Variants in TST observed in about 807,000 individuals in gnomAD.
The protein encoded by TST is thiosulfate sulfurtransferase, also known as epididymis secretory sperm binding protein.
A neutral mutation model predicts 20.4 loss-of-function variants in TST; 22 were observed. That is an observed-to-expected ratio of 1.08 (90% CI 0.77 to 1.54). The LOEUF is 1.54. Ranked by LOEUF, TST falls within the 40% of genes most tolerant of loss-of-function variation. TST has a pLI of 0.00. For missense variants in TST, 392 were observed against 405.2 expected, an observed-to-expected ratio of 0.97 and a Z score of 0.28; for synonymous variants, 187 against 173.8, an observed-to-expected ratio of 1.08 and a Z score of -0.60.
At position 37,011,090 on chromosome 22, in the gene TST, G is replaced by A. The variant is rs145408319; in HGVS notation, c.831C>T (p.Ser277=). The part of the protein sequence containing the change: ...PDVAVYDGSW[S]EWFRRAPPES... ...CTGGGGGGGCCCGGCGAAACCACTC[G>A]GACCAGGAGCCATCGTACACGGCCA... Residue 277 remains serine, a synonymous_variant, in exon 3 of 3, where the codon TCC becomes TCT. Transcript: ENST00000249042. 92 of 1,613,138 alleles carry A rather than the reference G, an allele frequency of 5.7e-5. No homozygotes were observed. The highest frequency in any genetic ancestry group is 3.7e-4 in the Admixed American group (22 of 60,036).
chr22:37,018,793 G>A, intron 1 of TST, 40 bp from the exon 2 acceptor site: 1 of 1,389,018 alleles, frequency 7.2e-7, no homozygotes, highest in Non-Finnish European at 9.5e-7. Flanking sequence ...ACAGGCGTGA[G>A]GAAGGAAGTC....
Position 37,019,423 on chromosome 22 carries a change from C to T in TST, c.-45G>A, listed in dbSNP as rs937338260. On this transcript the variant is annotated 5_prime_UTR_variant, in exon 1 of 3. Transcript: ENST00000249042. ...ACTCGCCCCGGACGCCGCGCTGGCG[C>T]TCGCCCCGGCCGGCTGGAGAAGTTG... 4.0e-5 allele frequency: 6 copies of T among 151,532 alleles called. No individual in the cohort carries two copies. Among genetic ancestry groups the T allele is most frequent in the African/African-American group, 1.5e-4 (6 of 41,328 alleles). 9.4% of individuals were successfully genotyped at this position (151,532 alleles called of 1,614,324 possible). A position where few individuals can be genotyped will look rare whatever the true frequency, so the allele number is the denominator to read the frequency against.
chr22:37,018,854 T>A, intron 1 of TST, 101 bp from the exon 2 acceptor site: 5 of 794,488 alleles, frequency 6.3e-6, no homozygotes, highest in Non-Finnish European at 9.2e-6. Flanking sequence ...CCCTCCGCAC[T>A]CCCCCGGGTT....
At chr22:37,017,939 T>C (rs1922747189) in intron 2 of TST, among the ~76,000 whole-genome samples, 199 bp downstream of exon 2, 1 of 152,140 alleles carries the variant, frequency 6.6e-6, no homozygotes, top group Non-Finnish European at 1.5e-5. Flanking sequence ...GAGGACACAT[T>C]CTTGGGTCCT....
chr22:37,011,403 A>T, intron 2 of TST, 78 bp from the exon 3 acceptor site: 1 of 1,448,126 alleles, frequency 6.9e-7, no homozygotes, highest in South Asian at 1.3e-5. Flanking sequence ...TCCATCAGCT[A>T]TAGCTGGAAG....
chr22:37,018,908 T>G, intron 1 of TST, 155 bp from the exon 2 acceptor site: 1 of 534,100 alleles, frequency 1.9e-6, no homozygotes, highest in Non-Finnish European at 3.1e-6. Context: ...TGCAGCGGGA[T>G]AAGTTTGCAG....
At chr22:37,020,100 C>G (rs1006512697), upstream of TST, 1 of 389,688 alleles carries the variant, frequency 2.6e-6, no homozygotes, top group African/African-American at 2.1e-5. Flanking sequence ...AAGTGGGTGA[C>G]CTGGTGGCAC....
upstream of TST, chr22:37,019,508 G>GC (rs1301086315): frequency 1.7e-3 from 1 of 602 alleles, no homozygotes; most frequent in Non-Finnish European, 2.3e-3. Flanking sequence ...GCCACCGCCA[G>GC]AGGGGGACCC....
intron 2 of TST, among the ~76,000 whole-genome samples, chr22:37,013,551 A>T (rs771967766): frequency 7.2e-5 from 11 of 152,130 alleles, no homozygotes; most frequent in Non-Finnish European, 1.6e-4. Flanking sequence ...GTGAGCTGTG[A>T]TCATGCCACT....
intron 2 of TST, 122 bp from the exon 3 acceptor site, chr22:37,011,447 T>C: frequency 1.8e-6 from 2 of 1,118,208 alleles, no homozygotes; most frequent in Non-Finnish European, 2.5e-6. Context: ...ATAACATCTT[T>C]GCTCTGCTTG....
intron 2 of TST, among the ~76,000 whole-genome samples, chr22:37,017,133 A>G (rs890161473): frequency 2.0e-5 from 3 of 152,230 alleles, no homozygotes; most frequent in African/African-American, 7.2e-5. Flanking sequence ...GGAAATGGCC[A>G]GGCAGGGACT....
At position 37,018,173 on chromosome 22, in the gene TST, C is replaced by A. The variant is rs375480621; in HGVS notation, c.560G>T (p.Arg187Leu). Residue 187 changes from arginine to leucine, a missense_variant, in exon 2 of 3, where the codon CGG (arginine) becomes CTG (leucine). Transcript: ENST00000249042. Reference sequence around the variant, plus strand: ...CGGCTCCGGCTCGGTGCCCAGGAACCGCCCTTGAGACCTTGAATCCACCAG... The same window carrying A: ...CGGCTCCGGCTCGGTGCCCAGGAACAGCCCTTGAGACCTTGAATCCACCAG... The part of the protein sequence containing the change: ...FQLVDSRSQG[R>L]FLGTEPEPDA... The A allele has an allele frequency of 1.3e-6, 2 of 1,580,192 alleles. No individual in the cohort carries two copies. The highest frequency in any genetic ancestry group is 3.5e-5 in the Admixed American group (2 of 56,426).
upstream of TST, chr22:37,019,549 CCG>C (rs968947091): frequency 7.2e-5 from 11 of 152,134 alleles, no homozygotes; most frequent in African/African-American, 2.4e-4. Flanking sequence ...CGCGCCTCCC[CCG>C]CGCGGCCGCT....
chr22:37,018,531 C>CA lies in TST; in HGVS notation c.201_202insT (p.Ala68CysfsTer33). 1 of 1,586,184 alleles carries CA rather than the reference C, an allele frequency of 6.3e-7. No individual in the cohort carries two copies. On this transcript the variant is annotated frameshift_variant, in exon 2 of 3. Transcript: ENST00000249042. LOFTEE classifies it high-confidence loss of function. ...GGCAGCATCATCTCGTAGGGCGACG[C>CA]CGTGTCCCGGCACTCTTCTATGTCA...
intron 2 of TST, among the ~76,000 whole-genome samples, chr22:37,014,089 C>T (rs1019187982): frequency 0.01 from 1 of 100 alleles, no homozygotes; most frequent in Non-Finnish European, 0.016. Flanking sequence ...TTTGGCCGGG[C>T]GCGGTGGCTA....
At chr22:37,019,934 G>A (rs543744705), upstream of TST, 1,993 of 843,996 alleles carry the variant, frequency 2.4e-3, 9 homozygotes, top group Non-Finnish European at 2.9e-3. Flanking sequence ...CTTTGGGGGT[G>A]CTCGGCGCGG....
rs1326909882 is a variant in TST, at chr22:37,018,505, G to A, written c.228C>T (p.Pro76=). The A allele has an allele frequency of 1.2e-6, 2 of 1,605,176 alleles. No homozygotes were observed. Among genetic ancestry groups the A allele is most frequent in the African/African-American group, 2.7e-5 (2 of 74,754 alleles). ...CATACTCGGCGAAGCCAGCCTCGCT[G>A]GGCAGCATCATCTCGTAGGGCGACG... The part of the protein sequence containing the change: ...DTASPYEMML[P]SEAGFAEYVG... The change falls in exon 2 of 3, where the codon CCC becomes CCT. Residue 76 remains proline, a synonymous_variant. Transcript: ENST00000249042.
At position 37,018,418 on chromosome 22, in the gene TST, G is replaced by T. The variant is rs922650207; in HGVS notation, c.315C>A (p.Gly105=). 1 of 1,613,708 alleles carries T rather than the reference G, an allele frequency of 6.2e-7. No individual in the cohort carries two copies. Among genetic ancestry groups the T allele is most frequent in the Non-Finnish European group, 8.5e-7 (1 of 1,180,018 alleles). ...HVVVYDGEHL[G]SFYAPRVWWM... Reference sequence around the variant, plus strand: ...ACCAGACCCGGGGAGCATAGAAGCTGCCCAGGTGTTCACCATCATACACCA... The same window carrying T: ...ACCAGACCCGGGGAGCATAGAAGCTTCCCAGGTGTTCACCATCATACACCA... The change falls in exon 2 of 3, where the codon GGC becomes GGA. Residue 105 remains glycine (G), a synonymous_variant. Transcript: ENST00000249042.
upstream of TST, chr22:37,019,879 G>A: frequency 8.2e-7 from 1 of 1,214,028 alleles, no homozygotes; most frequent in Non-Finnish European, 1.0e-6. Context: ...CCGGGTAACT[G>A]CCGCGGCGTG....
Sources: allele counts gnomAD v4.1 joint callset (sites outside exome capture counted in the v4.1 genomes callset), GRCh38; gene constraint gnomAD v4.1.1; transcripts MANE v1.5; gene names NCBI Gene and HGNC (gene_info 2026-07-23, HGNC 2026-07-21).